RIMS1: variants seen among roughly 807,000 people sequenced by gnomAD.
RIMS1 encodes the protein regulating synaptic membrane exocytosis 1, also known as regulating synaptic membrane exocytosis protein 1.
Under a neutral mutation model 214.1 loss-of-function variants are expected in RIMS1, and 83 were observed. The observed-to-expected ratio is 0.39, with a 90% CI of 0.32 to 0.47. RIMS1 has a LOEUF of 0.47. Ranked by LOEUF, RIMS1 falls within the 20% of genes least tolerant of loss-of-function variation. The pLI is 0.99. For synonymous variants in RIMS1, 793 were observed against 786.8 expected, an observed-to-expected ratio of 1.01 and a Z score of -0.13; for missense variants, 2,050 against 2,161.8, an observed-to-expected ratio of 0.95 and a Z score of 1.03.
chr6:72,009,721 T>C (rs1278339950), intron 2 of RIMS1, among the ~76,000 whole-genome samples: 1 of 151,786 alleles, frequency 6.6e-6, no homozygotes, highest in East Asian at 1.9e-4. Context: ...AACTAGAAAA[T>C]CTAGAAGAAA....
intron 1 of RIMS1, among the ~76,000 whole-genome samples, chr6:71,905,876 G>T (rs1490039874): frequency 6.6e-6 from 1 of 152,048 alleles, no homozygotes; most frequent in African/African-American, 2.4e-5. Context: ...AATGAGTTCT[G>T]CTGCAAAAAG....
chr6:72,154,520 A>T (rs1203904772), intron 4 of RIMS1, among the ~76,000 whole-genome samples: 2 of 140,720 alleles, frequency 1.4e-5, no homozygotes, highest in African/African-American at 4.9e-5. Flanking sequence ...AATGAGAACA[A>T]CCTGGTGAGT....
intron 4 of RIMS1, among the ~76,000 whole-genome samples, chr6:72,177,033 T>C (rs1015705178): frequency 1.3e-5 from 2 of 152,192 alleles, no homozygotes; most frequent in African/African-American, 4.8e-5. Context: ...AATAAGATTG[T>C]GATAATAATT....
At chr6:72,241,403 G>A (rs955003039) in intron 9 of RIMS1, among the ~76,000 whole-genome samples, 1 of 152,152 alleles carries the variant, frequency 6.6e-6, no homozygotes, top group African/African-American at 2.4e-5. Flanking sequence ...GTCTAAGGCA[G>A]AGAACCGTTT....
chr6:72,026,124 T>C (rs184707242), intron 2 of RIMS1, among the ~76,000 whole-genome samples: 1 of 152,292 alleles, frequency 6.6e-6, no homozygotes, highest in Admixed American at 6.5e-5. Context: ...AAGGCCTACA[T>C]AGAGCCCGAA....
chr6:72,180,691 T>C (rs1342809103), intron 5 of RIMS1, among the ~76,000 whole-genome samples: 5 of 152,244 alleles, frequency 3.3e-5, no homozygotes, highest in Admixed American at 6.5e-5. Flanking sequence ...AGAGCCCTTA[T>C]CTTCATGAGG....
rs573405354 is a variant in RIMS1 at position 71,940,145 on chromosome 6, T to G, written c.165-28838T>G. 5.3e-5 allele frequency among the ~76,000 whole-genome samples: 8 copies of G among 152,314 alleles called. No individual in the cohort carries two copies. The East Asian group carries it at 1.4e-3, about 26-fold the overall frequency. ...ATTCTTATTAGGAATTACAGTGGTG[T>G]TTGGGGCTATGGGATGGCATTTTAA... On this transcript the variant is annotated intron_variant, in intron 1 of 33. Transcript: ENST00000521978.
intron 29 of RIMS1, among the ~76,000 whole-genome samples, chr6:72,374,800 A>G (rs564549449): frequency 6.6e-6 from 1 of 152,292 alleles, no homozygotes; most frequent in South Asian, 2.1e-4. Flanking sequence ...TATATAATGA[A>G]ATAATTATAC....
At chr6:72,269,763 C>T (rs943966093) in intron 22 of RIMS1, among the ~76,000 whole-genome samples, 10 of 152,122 alleles carry the variant, frequency 6.6e-5, no homozygotes, top group Admixed American at 6.5e-4. Context: ...CTCCTGCTCC[C>T]ATTAATTTTC....
chr6:72,132,967 T>C (rs2040683346), intron 4 of RIMS1, among the ~76,000 whole-genome samples: 1 of 151,914 alleles, frequency 6.6e-6, no homozygotes, highest in Admixed American at 6.6e-5. Flanking sequence ...TTATTAATTG[T>C]CAAGACAACC....
chr6:71,956,036 A>G (rs529934905), intron 1 of RIMS1, among the ~76,000 whole-genome samples: 20 of 152,220 alleles, frequency 1.3e-4, no homozygotes, highest in African/African-American at 4.3e-4. Flanking sequence ...AGTATTAGAG[A>G]CAATGTCTCA....
At chr6:72,184,568 C>T (rs887378207) in intron 6 of RIMS1, among the ~76,000 whole-genome samples, 1 of 152,068 alleles carries the variant, frequency 6.6e-6, no homozygotes, top group East Asian at 1.9e-4. Flanking sequence ...AGTCAAGGAC[C>T]TAAAGCTAGA....
chr6:72,128,174 A>T (rs2039893281), intron 4 of RIMS1, among the ~76,000 whole-genome samples: 1 of 152,234 alleles, frequency 6.6e-6, no homozygotes, highest in African/African-American at 2.4e-5. Flanking sequence ...CATTTCAAAC[A>T]GATGGCTCCA....
intron 27 of RIMS1, among the ~76,000 whole-genome samples, chr6:72,308,560 A>T (rs2095349499): frequency 1.3e-5 from 2 of 152,106 alleles, no homozygotes; most frequent in South Asian, 4.1e-4. Flanking sequence ...ATCTTTCCAG[A>T]TATTCTGTGA....
At position 72,250,995 on chromosome 6, in the gene RIMS1, C is replaced by T; in HGVS notation, c.2447C>T (p.Ser816Leu). ...EPKWNQTFVYSHVHRRDFRER... is the reference protein window; with the variant it reads ...EPKWNQTFVYLHVHRRDFRER... ...AAATGGAATCAAACTTTTGTCTATTCACATGTACATCGTAGAGATTTTAGA... is the reference window on the plus strand; with the variant it reads ...AAATGGAATCAAACTTTTGTCTATTTACATGTACATCGTAGAGATTTTAGA... The change falls in exon 14 of 34, where the codon TCA becomes TTA. Residue 816 changes from serine to leucine, a missense_variant. Around this residue, in one of 6 missense-constraint regions of RIMS1, gnomAD observed 889 missense variants for 885.5 expected, o/e 1.00. Coordinates refer to ENST00000521978, the MANE Select transcript of RIMS1 (RefSeq NM_014989.7). 1 of 1,561,158 alleles carries T rather than the reference C, an allele frequency of 6.4e-7. No homozygotes were observed. Among genetic ancestry groups the T allele is most frequent in the Non-Finnish European group, 8.7e-7 (1 of 1,151,770 alleles).
intron 1 of RIMS1, among the ~76,000 whole-genome samples, chr6:71,890,257 C>G (rs886724254): frequency 6.6e-6 from 1 of 151,904 alleles, no homozygotes. Context: ...AAAAAGAATT[C>G]GTTTTGTTGG....
chr6:71,937,750 C>A (rs764608670), intron 1 of RIMS1, among the ~76,000 whole-genome samples: 25 of 152,158 alleles, frequency 1.6e-4, no homozygotes, highest in Non-Finnish European at 2.9e-4. Context: ...AAGGTCCCAC[C>A]TCTTAATATT....
At position 72,327,642 on chromosome 6, in the gene RIMS1, C is replaced by T. The variant is rs561127844; in HGVS notation, c.4131-5958C>T. ...TTTACATCCCCATCAGCAATGTTGA[C>T]GGCTCCAGTTTCTCCTAATTCTAGT... On this transcript the variant is annotated intron_variant, in intron 28 of 33. Coordinates refer to ENST00000521978, the MANE Select transcript of RIMS1 (RefSeq NM_014989.7). Among the ~76,000 whole-genome samples, 246 of 151,862 alleles carry T rather than the reference C, an allele frequency of 1.6e-3. 3 individuals carry two copies. The highest frequency in any genetic ancestry group is 5.6e-3 in the African/African-American group (231 of 41,508).
At position 72,061,991 on chromosome 6, in the gene RIMS1, C is replaced by T. The variant is rs567504836; in HGVS notation, c.246-34958C>T. 3.9e-5 allele frequency among the ~76,000 whole-genome samples: 6 copies of T among 152,226 alleles called. No homozygotes were observed. In the Middle Eastern group the frequency reaches 0.01, roughly 259 times the overall value. On this transcript the variant is annotated intron_variant, in intron 2 of 33. Transcript: ENST00000521978. The stretch of plus-strand genomic sequence containing the variant: ...ATAACTTGTGCTTGACCTTTACTCA[C>T]GGTAGAAAAGAAACCATTTTATGTT...
Sources: allele counts gnomAD v4.1 joint callset (sites outside exome capture counted in the v4.1 genomes callset), GRCh38; gene constraint gnomAD v4.1.1; regional missense constraint gnomAD v4.1.1; transcripts MANE v1.5; gene names NCBI Gene and HGNC (gene_info 2026-07-23, HGNC 2026-07-21).